The following DCHS2 variants were observed in gnomAD, a reference collection of about 807,000 sequenced individuals.
DCHS2 encodes the protein protocadherin-23.
Under a neutral mutation model 182.4 loss-of-function variants are expected in DCHS2, and 142 were observed. The observed-to-expected ratio is 0.78, with a 90% CI of 0.68 to 0.89. DCHS2 has a LOEUF of 0.89. Ranked by LOEUF, DCHS2 falls within the 40% of genes least tolerant of loss-of-function variation. The pLI is 0.00. For synonymous variants in DCHS2, 1,740 were observed against 1,663.3 expected (o/e 1.05, Z -1.12); for missense variants, 4,319 against 4,198.6 (o/e 1.03, Z -0.79).
chr4:154,414,551 A>AATT (rs1465119931), intron 1 of DCHS2, among the ~76,000 whole-genome samples: 1 of 141,522 alleles, frequency 7.1e-6, no homozygotes, highest in East Asian at 2.1e-4. Context: ...ATTAGGCCGT[A>AATT]ATTCAAGAAG....
intron 16 of DCHS2, 29 bp from the exon 17 acceptor site, chr4:154,242,801 G>T (rs1489365312): frequency 1.9e-6 from 3 of 1,578,808 alleles, no homozygotes; most frequent in Admixed American, 3.9e-5. Context: ...CAAAGAATGT[G>T]ATTCATCATC....
intron 17 of DCHS2, 33 bp from the exon 18 acceptor site, chr4:154,240,856 TA>T (rs768526784): frequency 1.2e-5 from 19 of 1,605,616 alleles, no homozygotes; most frequent in Non-Finnish European, 1.5e-5. Flanking sequence ...CAGTCTCCAT[TA>T]AAATTCATCC....
At chr4:154,398,055 T>C (rs1286263131) in intron 1 of DCHS2, among the ~76,000 whole-genome samples, 1 of 152,212 alleles carries the variant, frequency 6.6e-6, no homozygotes, top group Non-Finnish European at 1.5e-5. Flanking sequence ...TGAAAGTAGA[T>C]ACACTTTGTT....
intron 3 of DCHS2, among the ~76,000 whole-genome samples, chr4:154,339,647 C>T (rs569519316): frequency 6.6e-6 from 1 of 152,218 alleles, no homozygotes; most frequent in East Asian, 1.9e-4. Flanking sequence ...AGGGGTTTCA[C>T]CATATTGGCC....
rs1554007970 is a variant in DCHS2, at chr4:154,333,318, C to CG, written c.2889dup (p.Glu964ArgfsTer11). The CG allele has an allele frequency of 2.5e-6, 4 of 1,614,180 alleles. 1 individual carries two copies. In the South Asian group the frequency reaches 4.4e-5, roughly 18 times the overall value. The stretch of plus-strand genomic sequence containing the variant: ...ACATCCATGACTGTTATGTTGACCT[C>CG]GGTGCTGCTGCAGGCTGGGGCGCTG... On this transcript the variant is annotated frameshift_variant, in exon 5 of 20. Coordinates refer to ENST00000357232, the MANE Select transcript of DCHS2 (RefSeq NM_001358235.2). LOFTEE classifies it high-confidence loss of function.
At chr4:154,299,723 G>A (rs1578935156) in intron 12 of DCHS2, among the ~76,000 whole-genome samples, 1 of 152,178 alleles carries the variant, frequency 6.6e-6, no homozygotes, top group African/African-American at 2.4e-5. Context: ...AAGTGATTCA[G>A]TCATTCAGCA....
At chr4:154,452,535 A>T (rs940223964) in intron 1 of DCHS2, among the ~76,000 whole-genome samples, 2 of 152,124 alleles carry the variant, frequency 1.3e-5, no homozygotes, top group African/African-American at 4.8e-5. Context: ...GAGGCATGAG[A>T]ATCTCTTGAA....
intron 4 of DCHS2, 119 bp downstream of exon 4, chr4:154,334,749 T>A: frequency 1.3e-6 from 1 of 757,258 alleles, no homozygotes; most frequent in Non-Finnish European, 2.2e-6. Context: ...TTGTGTTATC[T>A]CCCTTGTTTT....
chr4:154,328,073 G>T lies in DCHS2; in HGVS notation c.4018+20C>A. On this transcript the variant is annotated intron_variant, in intron 7 of 19. Coordinates refer to ENST00000357232, the MANE Select transcript of DCHS2 (RefSeq NM_001358235.2). ...AGAAATCCTAAAAGTTCTTAATCCC[G>T]TATGAACAGTAAGTTTTACCTGAAG... is the stretch of plus-strand genomic sequence containing the variant. The T allele has an allele frequency of 6.5e-7, 1 of 1,547,856 alleles. No individual in the cohort carries two copies. The highest frequency in any genetic ancestry group is 8.8e-7 in the Non-Finnish European group (1 of 1,134,212).
rs567768487 is a variant in DCHS2 at position 154,307,635 on chromosome 4, T to A, written c.5261-2404A>T. ...AGGTCCTGGGGCTTTCTGCCAAAGA[T>A]TTCCAGCAAAGCTTCAGCCTGGGAT... On this transcript the variant is annotated intron_variant, in intron 10 of 19. Coordinates refer to ENST00000357232, the MANE Select transcript of DCHS2 (RefSeq NM_001358235.2). Among the ~76,000 whole-genome samples the A allele has an allele frequency of 2.6e-5, 4 of 152,308 alleles. No homozygotes were observed. The South Asian group carries it at 8.3e-4, about 32-fold the overall frequency.
Position 154,491,651 on chromosome 4 carries a change from C to T in DCHS2, c.-296G>A. 7.9e-7 allele frequency: 1 copy of T among 1,264,232 alleles called. No individual in the cohort carries two copies. Among genetic ancestry groups the T allele is most frequent in the South Asian group, 2.9e-5 (1 of 34,538 alleles). The allele number at this position is 1,264,232 out of a possible 1,614,324, so 78.3% of individuals were successfully genotyped here. ...TCTCTTTTTCTCTCTCCTTTTATTC[C>T]CTTTACATCTGTTCCTTGTTCTACT... is the stretch of plus-strand genomic sequence containing the variant. On this transcript the variant is annotated 5_prime_UTR_variant, in exon 1 of 20. Transcript: ENST00000357232.
chr4:154,457,470 T>TA (rs1364901331), intron 1 of DCHS2, among the ~76,000 whole-genome samples: 2 of 152,186 alleles, frequency 1.3e-5, no homozygotes, highest in African/African-American at 4.8e-5. Context: ...CTCCCATCAC[T>TA]ATGGCCTTAA....
chr4:154,366,522 T>A (rs1730371532), intron 2 of DCHS2, 81 bp from the exon 3 acceptor site: 1 of 929,156 alleles, frequency 1.1e-6, no homozygotes, highest in Non-Finnish European at 1.7e-6. Context: ...GGCCCTACAA[T>A]AGTCTTGAAA....
At chr4:154,408,405 A>G (rs1387770081) in intron 1 of DCHS2, among the ~76,000 whole-genome samples, 2 of 152,228 alleles carry the variant, frequency 1.3e-5, no homozygotes, top group African/African-American at 4.8e-5. Context: ...TAGGAGATCA[A>G]TCTATAATTT....
rs540126558 is a variant in DCHS2 at position 154,251,622 on chromosome 4, G to A, written c.6941+3897C>T. Among the ~76,000 whole-genome samples the A allele has an allele frequency of 5.3e-5, 8 of 152,214 alleles. No homozygotes were observed. In the South Asian group the frequency reaches 8.3e-4, roughly 16 times the overall value. ...CAATCTCCACCTTCCGGGTTCAAGC[G>A]ATTCTCCTGCCTCAGCCTCCCGAGT... On this transcript the variant is annotated intron_variant, in intron 16 of 19. Transcript: ENST00000357232.
intron 3 of DCHS2, among the ~76,000 whole-genome samples, chr4:154,336,400 A>C (rs1728813464): frequency 6.6e-6 from 1 of 152,244 alleles, no homozygotes; most frequent in Non-Finnish European, 1.5e-5. Flanking sequence ...AAATGTATGC[A>C]AACTTATTAA....
intron 1 of DCHS2, among the ~76,000 whole-genome samples, chr4:154,381,734 A>G (rs773890454): frequency 1.3e-5 from 2 of 152,046 alleles, no homozygotes; most frequent in Non-Finnish European, 2.9e-5. Context: ...CCAAGGAGGT[A>G]AAAGATCTCT....
chr4:154,329,675 G>T lies in DCHS2; in HGVS notation c.3766C>A (p.His1256Asn), dbSNP rs1736440920. 6.2e-7 allele frequency: 1 copy of T among 1,611,946 alleles called. No homozygotes were observed. Among genetic ancestry groups the T allele is most frequent in the African/African-American group, 1.3e-5 (1 of 74,826 alleles). ...ACAGTCATCTCATGGTGCCCCCGGT[G>T]CTCACGATCCAGTGCCACCCAATTG... ...LINWVALDREHRGHHEMTVLV... is the reference protein window; with the variant it reads ...LINWVALDRENRGHHEMTVLV... The change falls in exon 6 of 20, where the codon CAC becomes AAC. Residue 1256 changes from histidine (H) to asparagine (N), a missense_variant. His to Asn is a moderately conservative substitution (Grantham distance 68). Transcript: ENST00000357232.
Position 154,333,341 on chromosome 4 carries a change from C to T in DCHS2, c.2867G>A (p.Ser956Asn). 6.2e-7 allele frequency: 1 copy of T among 1,614,128 alleles called. No individual in the cohort carries two copies. Among genetic ancestry groups the T allele is most frequent in the Non-Finnish European group, 8.5e-7 (1 of 1,180,024 alleles). Reference protein sequence around the residue: ...VVLTVQAQLGSAPACSSTEVN... With the variant: ...VVLTVQAQLGNAPACSSTEVN... ...CTCGGTGCTGCTGCAGGCTGGGGCG[C>T]TGCCGAGCTGCGCCTGCACCGTGAG... Residue 956 changes from serine to asparagine, a missense_variant, in exon 5 of 20, where the codon AGC (serine) becomes AAC (asparagine). Transcript: ENST00000357232.
Sources: gnomAD v4.1 joint callset for allele counts (sites outside exome capture counted in the v4.1 genomes callset) on GRCh38, gnomAD v4.1.1 for gene constraint, MANE v1.5 for transcripts, NCBI Gene and HGNC (gene_info 2026-07-23, HGNC 2026-07-21) for gene names.